Variants in PARD3B observed in about 807,000 individuals in gnomAD.
The protein encoded by PARD3B is partitioning defective 3 homolog B.
PARD3B carries 103 observed loss-of-function variants against 130.2 expected under a neutral mutation model. That is an observed-to-expected ratio of 0.79 (90% CI 0.67 to 0.93). The LOEUF (loss-of-function observed/expected upper bound fraction) is 0.93, where lower values mean the gene tolerates loss of function less well. Among genes scored for constraint, PARD3B ranks in the 40% least tolerant of loss-of-function variants. PARD3B has a pLI of 0.00. For synonymous variants in PARD3B, 583 were observed against 553.2 expected, an observed-to-expected ratio of 1.05 and a Z score of -0.76; for missense variants, 1,609 against 1,499.2, an observed-to-expected ratio of 1.07 and a Z score of -1.21.
chr2:204,705,434 G>A (rs533133981), intron 2 of PARD3B, among the ~76,000 whole-genome samples: 2 of 152,274 alleles, frequency 1.3e-5, no homozygotes, highest in African/African-American at 4.8e-5. Context: ...GTTAAAGGAG[G>A]CTCTTCTAAG....
chr2:205,538,573 A>T (rs985903211), intron 21 of PARD3B, among the ~76,000 whole-genome samples: 1 of 152,184 alleles, frequency 6.6e-6, no homozygotes, highest in African/African-American at 2.4e-5. Context: ...AGACACTTTC[A>T]TAAGAGAAAG....
chr2:204,952,738 C>T (rs190892171), intron 2 of PARD3B, among the ~76,000 whole-genome samples: 163 of 152,262 alleles, frequency 1.1e-3, no homozygotes, highest in African/African-American at 3.8e-3. Flanking sequence ...GTGGCTCACG[C>T]CTGTAATCCC....
chr2:205,513,503 TAA>T (rs1401422403), intron 21 of PARD3B, among the ~76,000 whole-genome samples: 1 of 152,082 alleles, frequency 6.6e-6, no homozygotes, highest in Non-Finnish European at 1.5e-5. Flanking sequence ...TTTAGAAACT[TAA>T]GAGTTTCCTA....
In PARD3B at chr2:205,325,568, G is replaced by GC. The variant is rs568849724; in HGVS notation, c.2630+23870dup. ...AGTAGTCTCAGAGTCTTCCTCTATT[G>GC]CCCAGGCTGGAGTGCAGTGGCGTGA... On this transcript the variant is annotated intron_variant, in intron 18 of 22. Coordinates refer to ENST00000406610, the MANE Select transcript of PARD3B (RefSeq NM_001302769.2). The surrounding 1 kb of genome is among the most constrained non-coding windows in gnomAD (Gnocchi z 4.1). Among the ~76,000 whole-genome samples, 8 of 151,986 alleles carry GC rather than the reference G, an allele frequency of 5.3e-5. No homozygotes were observed. The East Asian group carries it at 1.2e-3, about 22-fold the overall frequency.
intron 18 of PARD3B, among the ~76,000 whole-genome samples, chr2:205,336,613 T>C (rs1043806031): frequency 2.6e-5 from 4 of 152,364 alleles, no homozygotes; most frequent in Admixed American, 2.6e-4. Context: ...CATTTGTTCA[T>C]GGCCCAAACA....
chr2:204,596,980 T>A (rs1472826515), intron 1 of PARD3B, among the ~76,000 whole-genome samples: 1 of 151,662 alleles, frequency 6.6e-6, no homozygotes, highest in African/African-American at 2.4e-5. Context: ...ATATTATATA[T>A]AATTTTTCAT....
rs944412981 is a variant in PARD3B at position 205,021,570 on chromosome 2, A to C, written c.395-26011A>C. Reference sequence around the variant, plus strand: ...GTAATAGCATTTATTGAGCAACTATATGCTCTCTTCTCTCTCTCTTCTCTT... The same window carrying C: ...GTAATAGCATTTATTGAGCAACTATCTGCTCTCTTCTCTCTCTCTTCTCTT... On this transcript the variant is annotated intron_variant, in intron 3 of 22. Coordinates refer to ENST00000406610, the MANE Select transcript of PARD3B (RefSeq NM_001302769.2). This position sits in a 1 kb window ranked among gnomAD's most constrained non-coding sequence, Gnocchi z 4.5. 7.3e-5 allele frequency among the ~76,000 whole-genome samples: 11 copies of C among 151,178 alleles called. No homozygotes were observed. The highest frequency in any genetic ancestry group is 2.7e-4 in the African/African-American group (11 of 41,100).
chr2:205,328,652 C>T (rs2043013458), intron 18 of PARD3B, among the ~76,000 whole-genome samples: 2 of 152,116 alleles, frequency 1.3e-5, no homozygotes, highest in Admixed American at 1.3e-4. Flanking sequence ...GATTTTACTA[C>T]ACTTTAAAAA....
intron 4 of PARD3B, among the ~76,000 whole-genome samples, chr2:205,054,437 T>TATATATATATATATA (rs1491373014): frequency 2.6e-3 from 70 of 27,296 alleles, no homozygotes; most frequent in South Asian, 6.9e-3. Context: ...TATATATATA[T>TATATATATATATATA]TTTTTTTTTT....
At chr2:204,874,199 G>T (rs1055925787) in intron 2 of PARD3B, among the ~76,000 whole-genome samples, 1 of 152,120 alleles carries the variant, frequency 6.6e-6, no homozygotes, top group East Asian at 1.9e-4. Context: ...AAAACTAAGT[G>T]TGGGAGCTCT....
At chr2:205,102,764 T>C (rs1009040952) in intron 4 of PARD3B, among the ~76,000 whole-genome samples, 2 of 152,152 alleles carry the variant, frequency 1.3e-5, no homozygotes, top group African/African-American at 4.8e-5. Context: ...TATGTCTTAC[T>C]TTCTTTAAAA....
intron 2 of PARD3B, among the ~76,000 whole-genome samples, chr2:204,955,106 C>T (rs1399769272): frequency 4.6e-5 from 7 of 152,126 alleles, no homozygotes; most frequent in Non-Finnish European, 1.0e-4. Flanking sequence ...ACTCATTAAT[C>T]CACAAAATTA....
intron 1 of PARD3B, among the ~76,000 whole-genome samples, chr2:204,554,008 G>T (rs1187768641): frequency 1.3e-5 from 2 of 151,746 alleles, no homozygotes; most frequent in Non-Finnish European, 2.9e-5. Flanking sequence ...GTCATGTAAT[G>T]AATCACCACC....
At chr2:205,357,288 C>A (rs2044230444) in intron 18 of PARD3B, among the ~76,000 whole-genome samples, 1 of 152,164 alleles carries the variant, frequency 6.6e-6, no homozygotes, top group Non-Finnish European at 1.5e-5. Context: ...GATGCTGAAG[C>A]ATTTTGAGGA....
At chr2:205,528,403 CTA>C (rs1160305004) in intron 21 of PARD3B, among the ~76,000 whole-genome samples, 1 of 152,166 alleles carries the variant, frequency 6.6e-6, no homozygotes, top group Non-Finnish European at 1.5e-5. Context: ...GCAGAAACAT[CTA>C]TGAGTCTCCA....
chr2:205,200,611 C>T (rs1233882487), intron 15 of PARD3B, among the ~76,000 whole-genome samples: 1 of 152,164 alleles, frequency 6.6e-6, no homozygotes, highest in South Asian at 2.1e-4. Flanking sequence ...TTGACACTTA[C>T]TGTATGCCAG....
At chr2:205,248,417 C>T (rs62172744) in intron 16 of PARD3B, among the ~76,000 whole-genome samples, 12,729 of 142,052 alleles carry the variant, frequency 0.09, 641 homozygotes, top group African/African-American at 0.17. Context: ...GTGGTGGTGG[C>T]GGCAGCAGCA....
intron 2 of PARD3B, among the ~76,000 whole-genome samples, chr2:204,962,242 A>G (rs908937541): frequency 6.6e-6 from 1 of 152,068 alleles, no homozygotes; most frequent in Non-Finnish European, 1.5e-5. Context: ...GGCATCATAG[A>G]AGGAGACTGG....
At chr2:205,085,553 A>G (rs1042131935) in intron 4 of PARD3B, among the ~76,000 whole-genome samples, 2 of 152,014 alleles carry the variant, frequency 1.3e-5, no homozygotes, top group East Asian at 3.8e-4. Flanking sequence ...TAAATTATAA[A>G]TTATCCATGA....
Sources: gnomAD v4.1 joint callset for allele counts (sites outside exome capture counted in the v4.1 genomes callset) on GRCh38, gnomAD v4.1.1 for gene constraint, Gnocchi (gnomAD v3.1) non-coding constraint, MANE v1.5 for transcripts, NCBI Gene and HGNC (gene_info 2026-07-23, HGNC 2026-07-21) for gene names.